Variants in GALNTL6 observed in about 807,000 individuals in gnomAD.
GALNTL6 encodes the protein polypeptide N-acetylgalactosaminyltransferase like 6.
Under a neutral mutation model 73.7 loss-of-function variants are expected in GALNTL6, and 46 were observed. The observed-to-expected ratio is 0.62, with a 90% CI of 0.49 to 0.80. GALNTL6 has a LOEUF of 0.80. GALNTL6 is among the 30% of genes least tolerant of loss of function. The pLI is 0.00. For missense variants in GALNTL6, 604 were observed against 755.0 expected (o/e 0.80, Z 2.34); for synonymous variants, 259 against 263.7 (o/e 0.98, Z 0.17).
intron 7 of GALNTL6, among the ~76,000 whole-genome samples, chr4:172,856,700 A>G (rs372200764): frequency 6.6e-6 from 1 of 152,356 alleles, no homozygotes; most frequent in East Asian, 1.9e-4. Flanking sequence ...ACAAGGGGAT[A>G]ATAAAGTGTC....
chr4:171,961,721 A>T (rs1167380769), intron 2 of GALNTL6, among the ~76,000 whole-genome samples: 1 of 152,156 alleles, frequency 6.6e-6, no homozygotes, highest in Non-Finnish European at 1.5e-5. Context: ...TTCCTGTAAA[A>T]CCAACCAGTG....
At chr4:172,928,684 C>A (rs775666233) in intron 8 of GALNTL6, among the ~76,000 whole-genome samples, 3 of 152,200 alleles carry the variant, frequency 2.0e-5, no homozygotes, top group Non-Finnish European at 4.4e-5. Flanking sequence ...CTCCTAAAGG[C>A]TCTACAAAAC....
intron 2 of GALNTL6, among the ~76,000 whole-genome samples, chr4:172,207,041 T>C (rs953135699): frequency 2.6e-5 from 4 of 151,296 alleles, no homozygotes; most frequent in South Asian, 2.1e-4. Context: ...ATGATCTCAA[T>C]CTCCTGACCT....
In GALNTL6 at chr4:172,115,506, T is replaced by C. The variant is rs560393513; in HGVS notation, c.139-114150T>C. Among the ~76,000 whole-genome samples the C allele has an allele frequency of 3.3e-5, 5 of 152,238 alleles. No individual in the cohort carries two copies. In the South Asian group the frequency reaches 1.0e-3, roughly 32 times the overall value. ...AAACTCAAACTTTTTTAGTGCAATATGGTTTAAGAATTCCAAAATATTGGT... is the reference window on the plus strand; with the variant it reads ...AAACTCAAACTTTTTTAGTGCAATACGGTTTAAGAATTCCAAAATATTGGT... On this transcript the variant is annotated intron_variant, in intron 2 of 12. Coordinates refer to ENST00000506823, the MANE Select transcript of GALNTL6 (RefSeq NM_001034845.3).
At chr4:172,530,831 A>G (rs1284459819) in intron 5 of GALNTL6, among the ~76,000 whole-genome samples, 1 of 152,248 alleles carries the variant, frequency 6.6e-6, no homozygotes, top group African/African-American at 2.4e-5. Flanking sequence ...TATTGTCACA[A>G]TAATTTTTAG....
At chr4:172,127,674 A>T (rs1013107996) in intron 2 of GALNTL6, among the ~76,000 whole-genome samples, 3 of 152,202 alleles carry the variant, frequency 2.0e-5, no homozygotes, top group Non-Finnish European at 4.4e-5. Context: ...AACTCATAAG[A>T]TATAGTTGTT....
chr4:172,440,770 A>G lies in GALNTL6; in HGVS notation c.553+92081A>G, dbSNP rs1731806469. Among the ~76,000 whole-genome samples the G allele has an allele frequency of 3.7e-5, 3 of 82,068 alleles. No homozygotes were observed. The Admixed American group carries it at 4.2e-4, about 12-fold the overall frequency. 53.8% of individuals were successfully genotyped at this position (82,068 alleles called of 152,430 possible). ...TTCCTTCTAACTTTGCTGTAAATCT[A>G]AAACTGCTTTAAAAATAAATAAAGT... is the stretch of plus-strand genomic sequence containing the variant. On this transcript the variant is annotated intron_variant, in intron 5 of 12. Coordinates refer to ENST00000506823, the MANE Select transcript of GALNTL6 (RefSeq NM_001034845.3).
At chr4:171,869,408 C>CT (rs1031393616) in intron 2 of GALNTL6, among the ~76,000 whole-genome samples, 3 of 152,108 alleles carry the variant, frequency 2.0e-5, no homozygotes, top group Admixed American at 6.5e-5. Flanking sequence ...TCTTTTGCAG[C>CT]TTTTTTGTCT....
intron 5 of GALNTL6, among the ~76,000 whole-genome samples, chr4:172,560,932 G>A (rs1465801677): frequency 2.0e-5 from 3 of 152,102 alleles, no homozygotes; most frequent in Admixed American, 2.0e-4. Flanking sequence ...TAATTTCACA[G>A]ATAAGAAAAT....
chr4:172,340,583 A>T (rs564889820), intron 4 of GALNTL6, among the ~76,000 whole-genome samples: 1 of 152,190 alleles, frequency 6.6e-6, no homozygotes, highest in Non-Finnish European at 1.5e-5. Context: ...AAAGGTGAAA[A>T]ATATTTTGTA....
intron 2 of GALNTL6, among the ~76,000 whole-genome samples, chr4:171,987,603 T>A (rs190974023): frequency 6.0e-4 from 92 of 152,264 alleles, no homozygotes; most frequent in African/African-American, 2.2e-3. Flanking sequence ...GGAAGGGGCC[T>A]GAATAATCCC....
intron 5 of GALNTL6, among the ~76,000 whole-genome samples, chr4:172,606,144 G>A (rs940654082): frequency 6.6e-6 from 1 of 152,126 alleles, no homozygotes; most frequent in Non-Finnish European, 1.5e-5. Context: ...GAAGAGCCTT[G>A]TGAGCCATAA....
intron 5 of GALNTL6, among the ~76,000 whole-genome samples, chr4:172,442,950 A>T (rs1187139100): frequency 2.0e-5 from 3 of 151,638 alleles, no homozygotes; most frequent in African/African-American, 7.3e-5. Context: ...GTACAACATG[A>T]CTAAGGGGAT....
At chr4:172,354,501 T>A (rs1201315431) in intron 5 of GALNTL6, among the ~76,000 whole-genome samples, 1 of 152,048 alleles carries the variant, frequency 6.6e-6, no homozygotes, top group Non-Finnish European at 1.5e-5. Context: ...CTTTAACATT[T>A]GTGAATGTAA....
Position 172,858,241 on chromosome 4 carries a change from A to G in GALNTL6, c.924-24549A>G, listed in dbSNP as rs576024450. Among the ~76,000 whole-genome samples the G allele has an allele frequency of 1.1e-3, 174 of 152,308 alleles. 1 individual carries two copies. Among genetic ancestry groups the G allele is most frequent in the African/African-American group, 3.5e-3 (147 of 41,582 alleles). On this transcript the variant is annotated intron_variant, in intron 7 of 12. Transcript: ENST00000506823. ...TTCACTGTATGCCAACTTTATCATT[A>G]TGTCCAGAGCTGAGGACATAGGAAC... is the stretch of plus-strand genomic sequence containing the variant.
intron 5 of GALNTL6, among the ~76,000 whole-genome samples, chr4:172,735,951 G>T (rs1185794616): frequency 6.6e-6 from 1 of 152,146 alleles, no homozygotes; most frequent in Non-Finnish European, 1.5e-5. Flanking sequence ...TTTTATTAGG[G>T]TTTTCAAAAG....
chr4:172,304,970 C>A (rs1282854358), intron 3 of GALNTL6, among the ~76,000 whole-genome samples: 1 of 152,140 alleles, frequency 6.6e-6, no homozygotes, highest in Non-Finnish European at 1.5e-5. Flanking sequence ...TCTTCTAGGT[C>A]TTATTGTTTA....
intron 5 of GALNTL6, among the ~76,000 whole-genome samples, chr4:172,467,231 A>G (rs1427156935): frequency 6.6e-6 from 1 of 152,236 alleles, no homozygotes; most frequent in African/African-American, 2.4e-5. Flanking sequence ...ATTCCTACAT[A>G]GATGTATACA....
chr4:172,440,906 G>A (rs1003742449), intron 5 of GALNTL6, among the ~76,000 whole-genome samples: 2 of 151,828 alleles, frequency 1.3e-5, no homozygotes, highest in Non-Finnish European at 2.9e-5. Context: ...GTCTTTTACT[G>A]TTAGCTTATT....
Sources: allele counts gnomAD v4.1 joint callset (sites outside exome capture counted in the v4.1 genomes callset), GRCh38; gene constraint gnomAD v4.1.1; transcripts MANE v1.5; gene names NCBI Gene and HGNC (gene_info 2026-07-23, HGNC 2026-07-21).